The following HMGXB3 variants were observed in gnomAD, a reference collection of about 807,000 sequenced individuals.
The protein encoded by HMGXB3 is HMG domain-containing protein 3.
Under a neutral mutation model 121.5 loss-of-function variants are expected in HMGXB3, and 45 were observed. That is an observed-to-expected ratio of 0.37 (90% CI 0.29 to 0.47). HMGXB3 has a LOEUF of 0.47. Ranked by LOEUF, HMGXB3 falls within the 20% of genes least tolerant of loss-of-function variation. HMGXB3 has a pLI of 0.99. For synonymous variants in HMGXB3, 590 were observed against 624.1 expected, an observed-to-expected ratio of 0.95 and a Z score of 0.81; for missense variants, 1,376 against 1,602.2, an observed-to-expected ratio of 0.86 and a Z score of 2.41.
chr5:150,019,634 G>A (rs1053103655), intron 6 of HMGXB3, among the ~76,000 whole-genome samples: 3 of 152,212 alleles, frequency 2.0e-5, no homozygotes, highest in Non-Finnish European at 4.4e-5. Context: ...AGACAGACAG[G>A]CAAGGTATTA....
chr5:150,022,209 T>A (rs138136625), intron 6 of HMGXB3, among the ~76,000 whole-genome samples: 296 of 152,316 alleles, frequency 1.9e-3, no homozygotes, highest in African/African-American at 6.8e-3. Context: ...TTAATAAGAT[T>A]TCTTGAATTC....
At chr5:150,040,492 A>G (rs1454812341) in intron 13 of HMGXB3, among the ~76,000 whole-genome samples, 1 of 151,420 alleles carries the variant, frequency 6.6e-6, no homozygotes, top group African/African-American at 2.4e-5. Flanking sequence ...GGGAGACTAC[A>G]GGTCTCCCAA....
chr5:150,036,196 T>A (rs765013077), intron 11 of HMGXB3, among the ~76,000 whole-genome samples: 1 of 152,206 alleles, frequency 6.6e-6, no homozygotes, highest in Non-Finnish European at 1.5e-5. Context: ...TACCAAGAGT[T>A]GTATATAATC....
At chr5:150,028,547 A>G (rs1246279348) in intron 9 of HMGXB3, among the ~76,000 whole-genome samples, 7 of 56,640 alleles carry the variant, frequency 1.2e-4, no homozygotes, top group African/African-American at 4.2e-4. Context: ...GTGTGTATAT[A>G]TATATATATA....
In HMGXB3 at chr5:150,010,215, G is replaced by A; in HGVS notation, c.417G>A (p.Gln139=). 1 of 1,551,860 alleles carries A rather than the reference G, an allele frequency of 6.4e-7. No homozygotes were observed. The highest frequency in any genetic ancestry group is 8.7e-7 in the Non-Finnish European group (1 of 1,147,036). Reference sequence around the variant, plus strand: ...TCATCATCCCCAAGAGCAGCCTGCAGGAGGACCGGAGCTGCCCTCAGCTAG... The same window carrying A: ...TCATCATCCCCAAGAGCAGCCTGCAAGAGGACCGGAGCTGCCCTCAGCTAG... ...DYIIIPKSSL[Q]EDRSCPQLEL... The change falls in exon 4 of 20, where the codon CAG becomes CAA. Residue 139 remains glutamine (Q), a synonymous_variant. Coordinates refer to ENST00000502717, the MANE Select transcript of HMGXB3 (RefSeq NM_014983.3).
chr5:150,009,061 T>G (rs13167061), intron 3 of HMGXB3, among the ~76,000 whole-genome samples: 81,239 of 150,610 alleles, frequency 0.54, 24,303 homozygotes, highest in Non-Finnish European at 0.68. Context: ...CTGTTTAATT[T>G]TAGGTCTCAT....
intron 9 of HMGXB3, among the ~76,000 whole-genome samples, chr5:150,028,539 GTGTA>G (rs1206057386): frequency 1.9e-5 from 1 of 53,150 alleles, no homozygotes; most frequent in Non-Finnish European, 3.7e-5. Flanking sequence ...GTGTGTGTGT[GTGTA>G]TATATATATA....
chr5:150,007,578 C>A (rs1755730315), intron 3 of HMGXB3, among the ~76,000 whole-genome samples: 1 of 152,148 alleles, frequency 6.6e-6, no homozygotes, highest in Admixed American at 6.5e-5. Flanking sequence ...TGCTTATTGG[C>A]CTGGCATTCT....
intron 6 of HMGXB3, 141 bp downstream of exon 6, chr5:150,018,838 G>T: frequency 1.2e-6 from 1 of 806,272 alleles, no homozygotes; most frequent in Non-Finnish European, 1.8e-6. Flanking sequence ...ATTGTATATA[G>T]TTTGTTTAAA....
chr5:150,052,083 C>A lies in HMGXB3; in HGVS notation c.3770C>A (p.Pro1257His). ...QIHDIVQSCQ[P>H]GEVVIRDTLY... ...CATGACATTGTACAGAGCTGCCAGC[C>A]TGGTGAGGTGGTCATTCGTGACACC... Residue 1257 changes from proline to histidine, a missense_variant, in exon 20 of 20, where the codon CCT becomes CAT. Pro to His is a moderately conservative substitution (Grantham distance 77). Coordinates refer to ENST00000502717, the MANE Select transcript of HMGXB3 (RefSeq NM_014983.3). 2 of 1,551,892 alleles carry A rather than the reference C, an allele frequency of 1.3e-6. No homozygotes were observed. The highest frequency in any genetic ancestry group is 1.7e-6 in the Non-Finnish European group (2 of 1,147,042).
intron 18 of HMGXB3, among the ~76,000 whole-genome samples, chr5:150,049,239 C>T (rs1216385977): frequency 6.6e-6 from 1 of 152,202 alleles, no homozygotes; most frequent in African/African-American, 2.4e-5. Flanking sequence ...TCACATAGAG[C>T]TCTCTAGGCC....
rs1390082591 is a variant in HMGXB3, at chr5:150,036,811, G to T, written c.2159G>T (p.Arg720Leu). The T allele has an allele frequency of 2.3e-5, 36 of 1,551,696 alleles. No homozygotes were observed. Among genetic ancestry groups the T allele is most frequent in the Admixed American group, 3.9e-5 (2 of 51,006 alleles). The change falls in exon 12 of 20, where the codon CGA becomes CTA. Residue 720 changes from arginine to leucine, a missense_variant. Physicochemically the swap from Arg to Leu is moderately radical, Grantham distance 102. Transcript: ENST00000502717. Reference protein sequence around the residue: ...FALIHELNSSRLILSNVSEET... With the variant: ...FALIHELNSSLLILSNVSEET... ...TTGATTCATGAACTCAACAGCTCTC[G>T]ACTTATCTTGTCCAACGTGAGTGAG... is the stretch of plus-strand genomic sequence containing the variant.
At chr5:150,011,434 G>C (rs1315383849) in intron 4 of HMGXB3, among the ~76,000 whole-genome samples, 1 of 152,128 alleles carries the variant, frequency 6.6e-6, no homozygotes, top group Non-Finnish European at 1.5e-5. Context: ...GAGTCTTTCT[G>C]TGCAGGCTAA....
In HMGXB3 at chr5:150,015,673, T is replaced by C. The variant is rs75443344; in HGVS notation, c.910-2893T>C. Among the ~76,000 whole-genome samples the C allele has an allele frequency of 6.0e-4, 92 of 152,348 alleles. No homozygotes were observed. The East Asian group carries it at 0.014, about 24-fold the overall frequency. On this transcript the variant is annotated intron_variant, in intron 5 of 19. Transcript: ENST00000502717. Reference sequence around the variant, plus strand: ...TAGTGGCATTCCACAAATTCTGATATGGTGTGTTTTCATTTTCATTCAATT... The same window carrying C: ...TAGTGGCATTCCACAAATTCTGATACGGTGTGTTTTCATTTTCATTCAATT...
At chr5:150,016,810 C>G (rs1217929421) in intron 5 of HMGXB3, among the ~76,000 whole-genome samples, 2 of 152,042 alleles carry the variant, frequency 1.3e-5, no homozygotes, top group African/African-American at 4.8e-5. Context: ...TTTGTTCTGC[C>G]TTCTTCTGAT....
chr5:150,024,333 T>C lies in HMGXB3; in HGVS notation c.1113T>C (p.Asn371=). The C allele has an allele frequency of 6.4e-7, 1 of 1,551,648 alleles. No homozygotes were observed. Among genetic ancestry groups the C allele is most frequent in the Non-Finnish European group, 8.7e-7 (1 of 1,146,980 alleles). The change falls in exon 7 of 20, where the codon AAT becomes AAC. Residue 371 remains asparagine, a synonymous_variant. Coordinates refer to ENST00000502717, the MANE Select transcript of HMGXB3 (RefSeq NM_014983.3). The stretch of plus-strand genomic sequence containing the variant: ...CCAAAGGCTCTGTGGTGAAAAGAAA[T>C]CAGCAACCTGTCACCACTGAGCAAA... ...VSSKGSVVKR[N]QQPVTTEQNS...
intron 12 of HMGXB3, 85 bp from the exon 13 acceptor site, chr5:150,037,315 T>A: frequency 6.9e-6 from 9 of 1,301,262 alleles, no homozygotes; most frequent in Non-Finnish European, 8.2e-6. Flanking sequence ...CAAATGAGAA[T>A]TTGCCATTGA....
Position 150,010,376 on chromosome 5 carries a change from G to A in HMGXB3, c.578G>A (p.Gly193Glu). Residue 193 changes from glycine (G) to glutamate (E), a missense_variant, in exon 4 of 20, where the codon GGA becomes GAA. By Grantham distance (98) the Gly-to-Glu change is moderately conservative. Around this residue, in one of 2 missense-constraint regions of HMGXB3, gnomAD observed 1,116 missense variants for 1,369.0 expected, o/e 0.82. Transcript: ENST00000502717. ...GTGGAGGCCCTGGCTGAGGAGGTGG[G>A]AGCCCTTACCCAGTCAGGTGCTGTA... The part of the protein sequence containing the change: ...LAVEALAEEV[G>E]ALTQSGAVQE... The A allele has an allele frequency of 6.4e-7, 1 of 1,551,692 alleles. No homozygotes were observed. Among genetic ancestry groups the A allele is most frequent in the Non-Finnish European group, 8.7e-7 (1 of 1,146,992 alleles).
At position 150,032,355 on chromosome 5, in the gene HMGXB3, C is replaced by G. The variant is rs1756400608; in HGVS notation, c.1834-99C>G. 3.5e-6 allele frequency: 4 copies of G among 1,153,068 alleles called. No individual in the cohort carries two copies. In the South Asian group the frequency reaches 4.7e-5, roughly 14 times the overall value. 71.4% of individuals were successfully genotyped at this position (1,153,068 alleles called of 1,614,324 possible). Reference sequence around the variant, plus strand: ...CTGAATCTGGTTTGCAGTTGCCACTCTCTTCTCTGATTTACTGGCAGCTGC... The same window carrying G: ...CTGAATCTGGTTTGCAGTTGCCACTGTCTTCTCTGATTTACTGGCAGCTGC... On this transcript the variant is annotated intron_variant, in intron 10 of 19. Transcript: ENST00000502717.
Sources: gnomAD v4.1 joint callset for allele counts (sites outside exome capture counted in the v4.1 genomes callset) on GRCh38, gnomAD v4.1.1 for gene constraint, gnomAD v4.1.1 regional missense constraint, MANE v1.5 for transcripts, NCBI Gene and HGNC (gene_info 2026-07-23, HGNC 2026-07-21) for gene names.